Variants in GLI2 observed in about 807,000 individuals in gnomAD.
GLI2 encodes GLI family zinc finger 2.
GLI2 carries 22 observed loss-of-function variants against 78.9 expected under a neutral mutation model. The observed-to-expected ratio is 0.28, with a 90% CI of 0.20 to 0.40. GLI2 has a LOEUF of 0.40. Among genes scored for constraint, GLI2 ranks in the 10% least tolerant of loss-of-function variants. The pLI is 1.00. For synonymous variants in GLI2, 974 were observed against 963.7 expected (o/e 1.01, Z -0.20); for missense variants, 2,097 against 2,213.2 (o/e 0.95, Z 1.05).
At chr2:120,822,570 T>C (rs1319809647) in intron 2 of GLI2, among the ~76,000 whole-genome samples, 1 of 152,206 alleles carries the variant, frequency 6.6e-6, no homozygotes, top group African/African-American at 2.4e-5. Context: ...TGTTTACTAT[T>C]TTTCTGATTA....
At chr2:120,841,177 A>G (rs1032170267) in intron 2 of GLI2, among the ~76,000 whole-genome samples, 25 of 152,222 alleles carry the variant, frequency 1.6e-4, no homozygotes, top group African/African-American at 5.1e-4. Flanking sequence ...AGAACTGTGT[A>G]ATTATTATCC....
At position 120,737,914 on chromosome 2, in the gene GLI2, G is replaced by A. The variant is rs956620754; in HGVS notation, c.-31+1629G>A. 6.6e-6 allele frequency among the ~76,000 whole-genome samples: 1 copy of A among 152,248 alleles called. No homozygotes were observed. The highest frequency in any genetic ancestry group is 2.4e-5 in the African/African-American group (1 of 41,460). On this transcript the variant is annotated intron_variant, in intron 1 of 13. Coordinates refer to ENST00000361492, the MANE Select transcript of GLI2 (RefSeq NM_001374353.1). The surrounding 1 kb of genome is among the most constrained non-coding windows in gnomAD (Gnocchi z 4.3). ...CGGAGGAATAGGCGGGTTTGTCACA[G>A]GCCTCCCTGATGAGACCAGTTTGTT...
intron 5 of GLI2, among the ~76,000 whole-genome samples, chr2:120,960,556 G>C (rs771808259): frequency 6.6e-5 from 10 of 152,212 alleles, no homozygotes; most frequent in Admixed American, 1.3e-4. Flanking sequence ...TTAAATAAAT[G>C]GTTCTTCAAA....
chr2:120,798,146 T>G (rs1684497792), intron 2 of GLI2, among the ~76,000 whole-genome samples: 1 of 152,226 alleles, frequency 6.6e-6, no homozygotes, highest in African/African-American at 2.4e-5. Flanking sequence ...AGACTTCGAT[T>G]TCTTTTCCTC....
chr2:120,986,242 C>CTCTGAG (rs1682965474), intron 12 of GLI2, 36 bp from the exon 13 acceptor site: 2 of 1,582,500 alleles, frequency 1.3e-6, no homozygotes, highest in East Asian at 4.5e-5. Context: ...ATCTGATACC[C>CTCTGAG]TCTGAGTCTG....
At chr2:120,903,726 G>A (rs1275853322) in intron 2 of GLI2, among the ~76,000 whole-genome samples, 1 of 152,140 alleles carries the variant, frequency 6.6e-6, no homozygotes, top group Non-Finnish European at 1.5e-5. Context: ...ACAACACACA[G>A]TAACATCTGG....
intron 1 of GLI2, among the ~76,000 whole-genome samples, chr2:120,756,877 G>C (rs1683047287): frequency 6.6e-6 from 1 of 152,066 alleles, no homozygotes; most frequent in African/African-American, 2.4e-5. Context: ...CTCCTTTGGG[G>C]ACTCCAGTTA....
intron 5 of GLI2, among the ~76,000 whole-genome samples, chr2:120,967,378 G>T (rs1339258831): frequency 2.6e-5 from 4 of 152,242 alleles, no homozygotes; most frequent in African/African-American, 7.2e-5. Flanking sequence ...GGCTCTGAGG[G>T]ATCTGGACAG....
At chr2:120,884,194 C>T (rs1207371646) in intron 2 of GLI2, among the ~76,000 whole-genome samples, 1 of 152,188 alleles carries the variant, frequency 6.6e-6, no homozygotes, top group Non-Finnish European at 1.5e-5. Context: ...GAGCAGGATC[C>T]AGGGTCTGTG....
At chr2:120,847,040 GTTAGA>G (rs202011986) in intron 2 of GLI2, among the ~76,000 whole-genome samples, 1,919 of 152,074 alleles carry the variant, frequency 0.013, 32 homozygotes, top group African/African-American at 0.043. Flanking sequence ...GGTTGTGATG[GTTAGA>G]CCGTCATGGC....
intron 3 of GLI2, among the ~76,000 whole-genome samples, chr2:120,945,837 T>G (rs1476743580): frequency 6.6e-6 from 1 of 152,100 alleles, no homozygotes; most frequent in Non-Finnish European, 1.5e-5. Flanking sequence ...TGGAATACAT[T>G]GATCACCTGG....
At chr2:120,893,518 C>T (rs926441579) in intron 2 of GLI2, among the ~76,000 whole-genome samples, 6 of 152,026 alleles carry the variant, frequency 3.9e-5, no homozygotes, top group Non-Finnish European at 8.8e-5. Flanking sequence ...TATAGAAAAC[C>T]AGGAATTGTA....
rs1683250860 is a variant in GLI2 at position 120,990,533 on chromosome 2, ACTC to A, written c.4573_4575del (p.Ser1525del). 6.2e-7 allele frequency: 1 copy of A among 1,611,252 alleles called. No homozygotes were observed. Among genetic ancestry groups the A allele is most frequent in the Admixed American group, 1.7e-5 (1 of 59,812 alleles). On this transcript the variant is annotated inframe_deletion, in exon 14 of 14. Transcript: ENST00000361492. Reference sequence around the variant, plus strand: ...AGCCTCCTCCACAGCCTCTCCCAGAACTCCTCCCGCCTCACCACCCCCCGAAAC... The same window carrying A: ...AGCCTCCTCCACAGCCTCTCCCAGAACTCCCGCCTCACCACCCCCCGAAAC...
chr2:120,748,031 C>A (rs146082139), intron 1 of GLI2, among the ~76,000 whole-genome samples: 262 of 152,328 alleles, frequency 1.7e-3, no homozygotes, highest in African/African-American at 6.1e-3. Context: ...GGTTACGGAG[C>A]CGGCAGTCTC....
intron 1 of GLI2, among the ~76,000 whole-genome samples, chr2:120,777,709 G>T (rs190315225): frequency 4.6e-5 from 7 of 150,566 alleles, no homozygotes; most frequent in Non-Finnish European, 7.4e-5. Context: ...CCAGGCGGGG[G>T]TGCAGAGCCT....
chr2:120,975,740 C>T (rs532130307), intron 9 of GLI2, among the ~76,000 whole-genome samples: 1 of 152,202 alleles, frequency 6.6e-6, no homozygotes, highest in Non-Finnish European at 1.5e-5. Flanking sequence ...TCCAAACTCT[C>T]ATACTGCAGC....
chr2:120,818,972 C>T (rs990196988), intron 2 of GLI2, among the ~76,000 whole-genome samples: 3 of 151,768 alleles, frequency 2.0e-5, no homozygotes, highest in Non-Finnish European at 2.9e-5. Flanking sequence ...TGCTGGGAAA[C>T]ATATCATTTT....
intron 1 of GLI2, among the ~76,000 whole-genome samples, chr2:120,794,037 G>T (rs554119105): frequency 2.3e-4 from 35 of 152,350 alleles, no homozygotes; most frequent in Admixed American, 2.2e-3. Context: ...TTCACGGATG[G>T]AGCCTTCTAG....
At chr2:120,899,973 A>G (rs1363685111) in intron 2 of GLI2, among the ~76,000 whole-genome samples, 1 of 152,188 alleles carries the variant, frequency 6.6e-6, no homozygotes, top group Non-Finnish European at 1.5e-5. Context: ...TCTGATTCCA[A>G]GGGCCTGGGA....
Sources: allele counts gnomAD v4.1 joint callset (sites outside exome capture counted in the v4.1 genomes callset), GRCh38; gene constraint gnomAD v4.1.1; non-coding constraint Gnocchi (gnomAD v3.1); transcripts MANE v1.5; gene names NCBI Gene and HGNC (gene_info 2026-07-23, HGNC 2026-07-21).